The following LRRC69 variants were observed in gnomAD, a reference collection of about 807,000 sequenced individuals.
The protein encoded by LRRC69 is leucine-rich repeat-containing protein 69.
LRRC69 carries 42 observed loss-of-function variants against 37.8 expected under a neutral mutation model. The observed-to-expected ratio is 1.11, with a 90% CI of 0.87 to 1.44. LRRC69 has a LOEUF of 1.44. Ranked by LOEUF, LRRC69 falls within the 40% of genes most tolerant of loss-of-function variation. The probability of loss-of-function intolerance (pLI) is 0.00; values close to 1 mark genes in which losing one functional copy is unlikely to be tolerated. For missense variants in LRRC69, 357 were observed against 401.9 expected (o/e 0.89, Z 0.96); for synonymous variants, 141 against 143.1 (o/e 0.99, Z 0.11).
At chr8:91,183,125 G>A (rs1809350981) in intron 5 of LRRC69, among the ~76,000 whole-genome samples, 2 of 152,212 alleles carry the variant, frequency 1.3e-5, no homozygotes, top group Non-Finnish European at 2.9e-5. Flanking sequence ...GATTGTATGG[G>A]AGCAGGCTGT....
At chr8:91,150,192 G>A (rs1481564527) in intron 5 of LRRC69, among the ~76,000 whole-genome samples, 1 of 151,840 alleles carries the variant, frequency 6.6e-6, no homozygotes, top group Non-Finnish European at 1.5e-5. Context: ...TCCAGTTTTT[G>A]CCCATTCAGT....
At chr8:91,153,041 G>A (rs1443435202) in intron 5 of LRRC69, among the ~76,000 whole-genome samples, 1 of 151,176 alleles carries the variant, frequency 6.6e-6, no homozygotes, top group African/African-American at 2.4e-5. Context: ...AATTTACCAA[G>A]CAAATGGCAA....
intron 5 of LRRC69, among the ~76,000 whole-genome samples, chr8:91,144,868 C>A (rs1200973571): frequency 6.6e-6 from 1 of 151,922 alleles, no homozygotes; most frequent in Non-Finnish European, 1.5e-5. Context: ...AATACAAAAT[C>A]AAGTGAAGAA....
chr8:91,145,291 T>C (rs377177224), intron 5 of LRRC69, among the ~76,000 whole-genome samples: 2 of 151,972 alleles, frequency 1.3e-5, no homozygotes, highest in East Asian at 1.9e-4. Flanking sequence ...AGAACATCCC[T>C]GAATATCTCC....
chr8:91,216,654 C>T (rs749901788), intron 7 of LRRC69, among the ~76,000 whole-genome samples: 3 of 152,058 alleles, frequency 2.0e-5, no homozygotes, highest in Admixed American at 6.6e-5. Context: ...AGGAAAAGAC[C>T]ATATTTAGCC....
At chr8:91,187,726 A>G (rs760143137) in intron 5 of LRRC69, among the ~76,000 whole-genome samples, 2 of 152,218 alleles carry the variant, frequency 1.3e-5, no homozygotes, top group Admixed American at 1.3e-4. Context: ...TCTGCTTCAA[A>G]CAGTTGAAGG....
intron 5 of LRRC69, among the ~76,000 whole-genome samples, chr8:91,172,968 G>A (rs1004131582): frequency 6.6e-6 from 1 of 152,004 alleles, no homozygotes; most frequent in Non-Finnish European, 1.5e-5. Flanking sequence ...TTACAGAGAG[G>A]AAAAATGTCT....
At chr8:91,191,241 T>TA (rs1809490893) in intron 6 of LRRC69, among the ~76,000 whole-genome samples, 1 of 152,182 alleles carries the variant, frequency 6.6e-6, no homozygotes, top group South Asian at 2.1e-4. Flanking sequence ...CATTATTTCT[T>TA]ACTCTTCTGT....
intron 7 of LRRC69, among the ~76,000 whole-genome samples, chr8:91,218,354 A>ACG (rs56966857): frequency 1.3e-5 from 2 of 151,978 alleles, no homozygotes; most frequent in South Asian, 4.2e-4. Flanking sequence ...TATTTTGTAC[A>ACG]AATTATTTTG....
chr8:91,131,690 A>G (rs915455687), intron 3 of LRRC69, among the ~76,000 whole-genome samples: 3 of 151,982 alleles, frequency 2.0e-5, no homozygotes, highest in Admixed American at 6.6e-5. Flanking sequence ...ATGGAGATAC[A>G]ATAGATTTTT....
Position 91,197,478 on chromosome 8 carries a change from T to G in LRRC69, c.754-3135T>G, listed in dbSNP as rs368793398. Reference sequence around the variant, plus strand: ...CTCGCAGTTTGATCTCAGACTGCTGTGCTAGCAATCAGCGAGACTCCGTGG... The same window carrying G: ...CTCGCAGTTTGATCTCAGACTGCTGGGCTAGCAATCAGCGAGACTCCGTGG... On this transcript the variant is annotated intron_variant, in intron 6 of 7. Transcript: ENST00000448384. Among the ~76,000 whole-genome samples, 4 of 152,052 alleles carry G rather than the reference T, an allele frequency of 2.6e-5. No individual in the cohort carries two copies. The South Asian group carries it at 8.3e-4, about 32-fold the overall frequency.
chr8:91,130,995 A>G (rs1266631530), intron 3 of LRRC69, among the ~76,000 whole-genome samples: 1 of 152,008 alleles, frequency 6.6e-6, no homozygotes, highest in Non-Finnish European at 1.5e-5. Context: ...CAAAGGCCCC[A>G]TCTCATAATA....
intron 6 of LRRC69, among the ~76,000 whole-genome samples, chr8:91,199,707 G>A (rs545853032): frequency 6.6e-6 from 1 of 152,226 alleles, no homozygotes; most frequent in Admixed American, 6.5e-5. Context: ...ATTTCAAGCA[G>A]TGTTTGTGTA....
chr8:91,149,506 A>G (rs1179405415), intron 5 of LRRC69, among the ~76,000 whole-genome samples: 1 of 151,966 alleles, frequency 6.6e-6, no homozygotes, highest in Non-Finnish European at 1.5e-5. Flanking sequence ...TATAGTTTGA[A>G]GTCAGGTAGC....
At chr8:91,189,606 A>G (rs1360530158) in exon 6 of LRRC69, 7 of 1,550,786 alleles carry the variant, frequency 4.5e-6, no homozygotes, top group Non-Finnish European at 3.5e-6. Context: ...ACAGCAGGAG[A>G]ACGTCTGGAG....
intron 5 of LRRC69, among the ~76,000 whole-genome samples, chr8:91,177,856 T>TC (rs1809260443): frequency 1.3e-5 from 2 of 150,160 alleles, no homozygotes; most frequent in South Asian, 4.2e-4. Flanking sequence ...TTTTCTTTTT[T>TC]TTTTTTTTTT....
chr8:91,206,936 G>T, intron 7 of LRRC69: 1 of 961,308 alleles, frequency 1.0e-6, no homozygotes, highest in Non-Finnish European at 1.4e-6. Flanking sequence ...CAGAGAGTCT[G>T]GGCTATGTTT....
intron 5 of LRRC69, chr8:91,157,665 C>T: frequency 6.3e-7 from 1 of 1,586,308 alleles, no homozygotes; most frequent in Non-Finnish European, 8.6e-7. Context: ...ATGTTGAATG[C>T]CTTACAGCTA....
At chr8:91,206,668 C>G in intron 7 of LRRC69, 2 of 1,289,002 alleles carry the variant, frequency 1.6e-6, no homozygotes, top group Non-Finnish European at 1.0e-6. Context: ...TGTGCTGCTA[C>G]TCTTATTTCA....
Sources: allele counts gnomAD v4.1 joint callset (sites outside exome capture counted in the v4.1 genomes callset), GRCh38; gene constraint gnomAD v4.1.1; transcripts MANE v1.5; gene names NCBI Gene and HGNC (gene_info 2026-07-23, HGNC 2026-07-21).